HNRNPAB: variants seen among roughly 807,000 people sequenced by gnomAD.
HNRNPAB encodes the protein ABBP-1.
In HNRNPAB, 17 loss-of-function variants were observed where a neutral mutation model predicts 44.1. That is an observed-to-expected ratio of 0.39 (90% CI 0.26 to 0.58). HNRNPAB has a LOEUF of 0.58. HNRNPAB is among the 20% of genes least tolerant of loss of function. HNRNPAB has a pLI of 0.63. For missense variants in HNRNPAB, 393 were observed against 432.7 expected, an observed-to-expected ratio of 0.91 and a Z score of 0.81; for synonymous variants, 183 against 167.6, an observed-to-expected ratio of 1.09 and a Z score of -0.71.
chr5:178,210,151 T>C lies in HNRNPAB; in HGVS notation c.807T>C (p.Asn269=), dbSNP rs758278147. Residue 269 remains asparagine (N), a synonymous_variant, in exon 7 of 8, where the codon AAT becomes AAC. Coordinates refer to ENST00000358344, the MANE Select transcript of HNRNPAB (RefSeq NM_031266.3). ...GGGGGQSQSW[N]QGYGNYWNQG... is the part of the protein sequence containing the mutation. Reference sequence around the variant, plus strand: ...CCACAGGTCAGAGTCAGAGTTGGAATCAGGGCTACGGCAACTACTGGAACC... The same window carrying C: ...CCACAGGTCAGAGTCAGAGTTGGAACCAGGGCTACGGCAACTACTGGAACC... The C allele has an allele frequency of 5.0e-6, 8 of 1,613,982 alleles. No homozygotes were observed. Among genetic ancestry groups the C allele is most frequent in the Non-Finnish European group, 6.8e-6 (8 of 1,179,964 alleles).
intron 2 of HNRNPAB, chr5:178,205,446 C>T: frequency 6.4e-6 from 1 of 157,236 alleles, no homozygotes; most frequent in Non-Finnish European, 1.4e-5. Flanking sequence ...CTCCCGGGGG[C>T]GGAGTCACGG....
Position 178,210,260 on chromosome 5 carries a change from G to A in HNRNPAB, c.916G>A (p.Gly306Ser), listed in dbSNP as rs369576001. The A allele has an allele frequency of 7.9e-5, 128 of 1,613,910 alleles. No individual in the cohort carries two copies. Among genetic ancestry groups the A allele is most frequent in the Middle Eastern group, 1.6e-4 (1 of 6,084 alleles). ...CTATGGCTATTACGGCTACGGCCCCGGCTACGACTACAGTAAGTAGGAGAG... is the reference window on the plus strand; with the variant it reads ...CTATGGCTATTACGGCTACGGCCCCAGCTACGACTACAGTAAGTAGGAGAG... ...SPYGYYGYGP[G>S]YDYSQGSTNY... Residue 306 changes from glycine to serine, a missense_variant, in exon 7 of 8, where the codon GGC becomes AGC. Transcript: ENST00000358344.
chr5:178,205,613 C>T (rs886798262), intron 2 of HNRNPAB: 4 of 496,310 alleles, frequency 8.1e-6, no homozygotes, highest in Non-Finnish European at 1.1e-5. Context: ...TGAGGTGGTC[C>T]CTTCTTTGCT....
At chr5:178,209,813 C>T (rs778386547) in intron 6 of HNRNPAB, among the ~76,000 whole-genome samples, 19 of 152,098 alleles carry the variant, frequency 1.2e-4, no homozygotes, top group African/African-American at 4.3e-4. Flanking sequence ...CATCCCAGGC[C>T]CCTCTGACTC....
Position 178,206,756 on chromosome 5 carries a change from C to G in HNRNPAB, c.403C>G (p.Leu135Val). ...EKVLDQKEHR[L>V]DGRVIDPKKA... is the part of the protein sequence containing the mutation. Reference sequence around the variant, plus strand: ...GGTCCTAGACCAGAAGGAGCACAGGCTGGATGGCCGTGTCATTGACCCTAA... The same window carrying G: ...GGTCCTAGACCAGAAGGAGCACAGGGTGGATGGCCGTGTCATTGACCCTAA... The change falls in exon 4 of 8, where the codon CTG (leucine) becomes GTG (valine). Residue 135 changes from leucine (L) to valine (V), a missense_variant. Leu to Val is a conservative substitution (Grantham distance 32). Coordinates refer to ENST00000358344, the MANE Select transcript of HNRNPAB (RefSeq NM_031266.3). 2 of 1,613,988 alleles carry G rather than the reference C, an allele frequency of 1.2e-6. No individual in the cohort carries two copies. The highest frequency in any genetic ancestry group is 1.7e-6 in the Non-Finnish European group (2 of 1,180,028).
At chr5:178,210,501 C>A in intron 7 of HNRNPAB, 52 bp from the exon 8 acceptor site, 1 of 1,570,296 alleles carries the variant, frequency 6.4e-7, no homozygotes, top group Non-Finnish European at 8.8e-7. Context: ...AAGCGCGTGG[C>A]ACAGGGCAAA....
At chr5:178,205,373 C>A (rs1442531170) in intron 2 of HNRNPAB, among the ~76,000 whole-genome samples, 1 of 151,892 alleles carries the variant, frequency 6.6e-6, no homozygotes, top group African/African-American at 2.4e-5. Flanking sequence ...CGTCTTGGGC[C>A]GCGCCGGCGG....
chr5:178,206,198 G>C (rs575240460), intron 3 of HNRNPAB, among the ~76,000 whole-genome samples, 188 bp downstream of exon 3: 3 of 152,326 alleles, frequency 2.0e-5, no homozygotes, highest in East Asian at 1.9e-4. Flanking sequence ...GGGAGTGAGA[G>C]AATGTGCTGG....
At chr5:178,209,155 T>C (rs984595571) in intron 5 of HNRNPAB, among the ~76,000 whole-genome samples, 175 bp from the exon 6 acceptor site, 4 of 152,224 alleles carry the variant, frequency 2.6e-5, no homozygotes, top group Admixed American at 1.3e-4. Flanking sequence ...AGGCCTTTGG[T>C]TTTAGTTGGG....
At chr5:178,209,053 G>A in intron 5 of HNRNPAB, 1 of 391,768 alleles carries the variant, frequency 2.6e-6, no homozygotes, top group Non-Finnish European at 4.8e-6. Context: ...GGCTGCAGTT[G>A]GCCCAGTTGC....
intron 7 of HNRNPAB, 119 bp downstream of exon 7, chr5:178,210,391 G>C: frequency 6.4e-7 from 1 of 1,569,724 alleles, no homozygotes; most frequent in Non-Finnish European, 8.7e-7. Flanking sequence ...TCAGCCATGG[G>C]AGCTACTTGA....
chr5:178,205,464 C>G (rs1268766935), intron 2 of HNRNPAB: 1 of 161,972 alleles, frequency 6.2e-6, no homozygotes, highest in African/African-American at 2.4e-5. Flanking sequence ...CGGTCTGAAC[C>G]CTGGGCGGGC....
At position 178,209,327 on chromosome 5, in the gene HNRNPAB, T is replaced by C. The variant is rs1303604891; in HGVS notation, c.670-3T>C. Reference sequence around the variant, plus strand: ...GCCTGACCACTGTCCTCTTGACTTTTAGTGTGAGATCAAGGTGGCCCAGCC... The same window carrying C: ...GCCTGACCACTGTCCTCTTGACTTTCAGTGTGAGATCAAGGTGGCCCAGCC... On this transcript the variant is annotated splice_region_variant and splice_polypyrimidine_tract_variant and intron_variant, in intron 5 of 7. Transcript: ENST00000358344. 10 of 1,613,754 alleles carry C rather than the reference T, an allele frequency of 6.2e-6. No homozygotes were observed. The highest frequency in any genetic ancestry group is 4.0e-5 in the African/African-American group (3 of 74,948).
chr5:178,205,974 G>A lies in HNRNPAB; in HGVS notation c.342G>A (p.Gly114=), dbSNP rs749138053. The A allele has an allele frequency of 3.7e-6, 6 of 1,614,210 alleles. No individual in the cohort carries two copies. The South Asian group carries it at 4.4e-5, about 12-fold the overall frequency. Reference sequence around the variant, plus strand: ...ACACTGGACGGTCAAGAGGGTTTGGGTTTATCCTGTTCAAAGATGCAGCCA... The same window carrying A: ...ACACTGGACGGTCAAGAGGGTTTGGATTTATCCTGTTCAAAGATGCAGCCA... ...DPNTGRSRGF[G]FILFKDAASV... Residue 114 remains glycine, a synonymous_variant, in exon 3 of 8, where the codon GGG becomes GGA. Coordinates refer to ENST00000358344, the MANE Select transcript of HNRNPAB (RefSeq NM_031266.3).
intron 4 of HNRNPAB, 77 bp from the exon 5 acceptor site, chr5:178,207,017 G>T: frequency 1.3e-6 from 2 of 1,591,794 alleles, no homozygotes; most frequent in Non-Finnish European, 1.7e-6. Flanking sequence ...CTTCAATGGG[G>T]TCTTTTCTCC....
intron 5 of HNRNPAB, chr5:178,209,012 G>T: frequency 3.4e-6 from 1 of 293,120 alleles, no homozygotes; most frequent in Non-Finnish European, 6.6e-6. Context: ...AAGGTGTGGT[G>T]CCTGGTCCCA....
intron 5 of HNRNPAB, chr5:178,208,597 A>C (rs956727624): frequency 3.9e-5 from 6 of 152,254 alleles, no homozygotes; most frequent in Non-Finnish European, 2.9e-5. Flanking sequence ...TGTAAAATGT[A>C]CTATTTTTAA....
chr5:178,206,916 A>G (rs1757087694), intron 4 of HNRNPAB, 26 bp downstream of exon 4: 2 of 1,613,022 alleles, frequency 1.2e-6, no homozygotes, highest in Non-Finnish European at 1.7e-6. Flanking sequence ...GGAATAGCCC[A>G]TCAGCTGCCC....
Position 178,204,588 on chromosome 5 carries a change from G to T in HNRNPAB, c.-176G>T. 1 of 248,818 alleles carries T rather than the reference G, an allele frequency of 4.0e-6. No homozygotes were observed. The highest frequency in any genetic ancestry group is 7.6e-5 in the East Asian group (1 of 13,094). The allele number at this position is 248,818 out of a possible 1,614,324, so 15.4% of individuals were successfully genotyped here. A position where few individuals can be genotyped will look rare whatever the true frequency, so the allele number is the denominator to read the frequency against. ...GCTGTTGGTCGGTGGGTTCCCGTGCGGCGGCGGCCAAGGAGGAGGAGACAC... is the reference window on the plus strand; with the variant it reads ...GCTGTTGGTCGGTGGGTTCCCGTGCTGCGGCGGCCAAGGAGGAGGAGACAC... On this transcript the variant is annotated 5_prime_UTR_variant, in exon 1 of 8. Transcript: ENST00000358344.
Sources: gnomAD v4.1 joint callset for allele counts (sites outside exome capture counted in the v4.1 genomes callset) on GRCh38, gnomAD v4.1.1 for gene constraint, MANE v1.5 for transcripts, NCBI Gene and HGNC (gene_info 2026-07-23, HGNC 2026-07-21) for gene names.